The following FRMPD4 variants were observed in gnomAD, a reference collection of about 807,000 sequenced individuals.
FRMPD4 encodes the protein FERM and PDZ domain-containing protein 4.
FRMPD4 carries 22 observed loss-of-function variants against 94.1 expected under a neutral mutation model. That is an observed-to-expected ratio of 0.23 (90% CI 0.17 to 0.33). FRMPD4 has a LOEUF of 0.33. Among genes scored for constraint, FRMPD4 ranks in the 10% least tolerant of loss-of-function variants. FRMPD4 has a pLI of 1.00. For synonymous variants in FRMPD4, 631 were observed against 548.6 expected (o/e 1.15, Z -2.10); for missense variants, 1,111 against 1,339.9 (o/e 0.83, Z 2.67).
At position 11,901,416 on chromosome X, in the gene FRMPD4, C is replaced by A. The variant is rs189258746; in HGVS notation, c.95+23398C>A. On this transcript the variant is annotated intron_variant, in intron 3 of 18. Transcript: ENST00000640291. ...GCCTCCAGCTCCTTCCAAGTTGCTG[C>A]AAAAGACATTATTTCATTCCTTTTT... Among the ~76,000 whole-genome samples, 4 of 112,473 alleles carry A rather than the reference C, an allele frequency of 3.6e-5. No homozygotes were observed. In the Admixed American group the frequency reaches 3.8e-4, roughly 11 times the overall value.
intron 1 of FRMPD4, among the ~76,000 whole-genome samples, chrX:12,455,925 G>A (rs1474059506): frequency 9.0e-6 from 1 of 111,704 alleles, no homozygotes; most frequent in African/African-American, 3.3e-5. Flanking sequence ...CTCCCGAGTA[G>A]CTGGGATTAT....
Position 12,138,967 on chromosome X carries a change from C to A in FRMPD4, c.-5C>A. The A allele has an allele frequency of 8.6e-7, 1 of 1,159,833 alleles. No individual in the cohort carries two copies. The highest frequency in any genetic ancestry group is 1.2e-6 in the Non-Finnish European group (1 of 868,964). ...TGTCGCGCTCGGGGGTCCCCAGCTG[C>A]CTGCATGGATGTCTTCAGCTTTGTG... On this transcript the variant is annotated 5_prime_UTR_variant, in exon 1 of 17. Coordinates refer to ENST00000675598, the MANE Select transcript of FRMPD4 (RefSeq NM_001368397.1).
At chrX:11,967,906 C>G (rs2054319917) in intron 3 of FRMPD4, among the ~76,000 whole-genome samples, 1 of 109,728 alleles carries the variant, frequency 9.1e-6, no homozygotes, top group Non-Finnish European at 1.9e-5. Context: ...GGGAGATGAC[C>G]AGTATCTAGA....
intron 3 of FRMPD4, among the ~76,000 whole-genome samples, chrX:12,065,662 A>G (rs1417361754): frequency 1.8e-5 from 2 of 112,061 alleles, no homozygotes; most frequent in Non-Finnish European, 3.8e-5. Flanking sequence ...TGGTGGTTCA[A>G]GGCTGCCTTT....
intron 3 of FRMPD4, among the ~76,000 whole-genome samples, chrX:12,127,209 G>T (rs947521405): frequency 9.0e-6 from 1 of 111,584 alleles, no homozygotes; most frequent in East Asian, 2.8e-4. Flanking sequence ...ATCCATTAGG[G>T]CTCCTATATT....
chrX:12,273,955 T>C (rs1023620952), intron 1 of FRMPD4, among the ~76,000 whole-genome samples: 2 of 112,090 alleles, frequency 1.8e-5, no homozygotes, highest in South Asian at 3.8e-4. Flanking sequence ...AAAGTACCAG[T>C]TTCGTCAGTA....
In FRMPD4 at chrX:12,579,044, G is replaced by T. The variant is rs752572833; in HGVS notation, c.159-30677G>T. Reference sequence around the variant, plus strand: ...AAAAAGAAACTGCTTAAAGAGCACTGAGTCAAAAGAAAATAAATTGGATAG... The same window carrying T: ...AAAAAGAAACTGCTTAAAGAGCACTTAGTCAAAAGAAAATAAATTGGATAG... On this transcript the variant is annotated intron_variant, in intron 2 of 16. Coordinates refer to ENST00000675598, the MANE Select transcript of FRMPD4 (RefSeq NM_001368397.1). Among the ~76,000 whole-genome samples, 7 of 112,180 alleles carry T rather than the reference G, an allele frequency of 6.2e-5. No individual in the cohort carries two copies. The South Asian group carries it at 2.6e-3, about 41-fold the overall frequency.
intron 3 of FRMPD4, among the ~76,000 whole-genome samples, chrX:11,971,295 ATTCCCTTACCATT>A (rs1264026609): frequency 1.1e-3 from 122 of 112,722 alleles, no homozygotes; most frequent in Non-Finnish European, 1.5e-3. Context: ...AACATTATCT[ATTCCCTTACCATT>A]TCCTGTATTT....
intron 1 of FRMPD4, among the ~76,000 whole-genome samples, chrX:12,368,761 C>T (rs766191635): frequency 9.0e-6 from 1 of 110,697 alleles, no homozygotes; most frequent in African/African-American, 3.3e-5. Flanking sequence ...CGCCTGTAGT[C>T]CCAGCTACTC....
chrX:11,984,094 C>G (rs1015559369), intron 3 of FRMPD4, among the ~76,000 whole-genome samples: 2 of 112,294 alleles, frequency 1.8e-5, no homozygotes, highest in East Asian at 5.5e-4. Context: ...CCTATCAAAA[C>G]TCTCCCAAAA....
At chrX:12,590,481 A>G (rs2058971977) in intron 2 of FRMPD4, among the ~76,000 whole-genome samples, 1 of 112,106 alleles carries the variant, frequency 8.9e-6, no homozygotes. Flanking sequence ...AGTAAAGTTG[A>G]CTATACCAAG....
intron 1 of FRMPD4, among the ~76,000 whole-genome samples, chrX:12,152,923 A>ATTT (rs11432329): frequency 8.2e-4 from 62 of 75,712 alleles, no homozygotes; most frequent in Non-Finnish European, 1.1e-3. Context: ...AAGCTTATAC[A>ATTT]TTTTTTTTTT....
In FRMPD4 at chrX:12,501,950, A is replaced by T. The variant is rs140165115; in HGVS notation, c.158+3154A>T. On this transcript the variant is annotated intron_variant, in intron 2 of 16. Transcript: ENST00000675598. The stretch of plus-strand genomic sequence containing the variant: ...CTGTTATCTATAGAGTTACTGATTC[A>T]CGGGGTTAAATGAAGGATGCAATAA... Among the ~76,000 whole-genome samples the T allele has an allele frequency of 6.8e-3, 765 of 111,944 alleles. 12 individuals are homozygous for T. The highest frequency in any genetic ancestry group is 0.014 in the Middle Eastern group (3 of 218).
chrX:12,106,216 C>G (rs1048943502), intron 3 of FRMPD4, among the ~76,000 whole-genome samples: 22 of 112,265 alleles, frequency 2.0e-4, no homozygotes, highest in African/African-American at 7.1e-4. Flanking sequence ...TCTCAAGCCC[C>G]TTTTGAACAG....
chrX:12,409,045 A>T (rs747953225), intron 1 of FRMPD4, among the ~76,000 whole-genome samples: 46 of 111,488 alleles, frequency 4.1e-4, no homozygotes, highest in African/African-American at 1.5e-3. Context: ...GAAGAAGGGG[A>T]TAGAGGCAGT....
intron 3 of FRMPD4, among the ~76,000 whole-genome samples, chrX:12,020,539 G>A (rs774142281): frequency 8.9e-6 from 1 of 111,895 alleles, no homozygotes; most frequent in East Asian, 2.8e-4. Flanking sequence ...CTGCGAAAGG[G>A]AAGTTTTCAT....
chrX:12,662,449 G>A (rs113465211), intron 4 of FRMPD4, among the ~76,000 whole-genome samples: 7 of 111,327 alleles, frequency 6.3e-5, no homozygotes, highest in African/African-American at 2.3e-4. Flanking sequence ...AGAACATGAG[G>A]TGTTTGGTTT....
In FRMPD4 at chrX:12,718,300, T is replaced by G. The variant is rs1456333617; in HGVS notation, c.3474T>G (p.Ser1158=). The change falls in exon 16 of 17, where the codon TCT becomes TCG. Residue 1158 remains serine (S), a synonymous_variant. Transcript: ENST00000675598. ...DRFLTDVTCA[S]SAKDLDNPED... is the part of the protein sequence containing the mutation. ...TCTTAACTGACGTGACCTGTGCATC[T>G]TCAGCCAAAGACTTAGATAACCCAG... 8.3e-7 allele frequency: 1 copy of G among 1,211,382 alleles called. No individual in the cohort carries two copies. The highest frequency in any genetic ancestry group is 1.1e-6 in the Non-Finnish European group (1 of 894,986).
At chrX:11,895,335 C>T (rs867331377) in intron 3 of FRMPD4, among the ~76,000 whole-genome samples, 8 of 111,513 alleles carry the variant, frequency 7.2e-5, no homozygotes, top group African/African-American at 2.6e-4. Context: ...AAATCACCTG[C>T]AGTTAAGAAC....
Sources: allele counts gnomAD v4.1 joint callset (sites outside exome capture counted in the v4.1 genomes callset), GRCh38; gene constraint gnomAD v4.1.1; transcripts MANE v1.5; gene names NCBI Gene and HGNC (gene_info 2026-07-23, HGNC 2026-07-21).